SLC35F3: variants seen among roughly 807,000 people sequenced by gnomAD.
SLC35F3 encodes solute carrier family 35 member F3.
SLC35F3 carries 25 observed loss-of-function variants against 49.9 expected under a neutral mutation model. That is an observed-to-expected ratio of 0.50 (90% CI 0.37 to 0.70). The LOEUF is 0.70. Ranked by LOEUF, SLC35F3 falls within the 30% of genes least tolerant of loss-of-function variation. The pLI is 0.00. For missense variants in SLC35F3, 525 were observed against 639.8 expected (o/e 0.82, Z 1.94); for synonymous variants, 275 against 265.4 (o/e 1.04, Z -0.35).
intron 2 of SLC35F3, among the ~76,000 whole-genome samples, chr1:234,193,747 A>G (rs1393023144): frequency 6.6e-6 from 1 of 152,210 alleles, no homozygotes; most frequent in Non-Finnish European, 1.5e-5. Context: ...CAAATTAGCA[A>G]GAAAGAAACA....
At chr1:233,983,982 A>G (rs996900582) in intron 2 of SLC35F3, among the ~76,000 whole-genome samples, 2 of 152,142 alleles carry the variant, frequency 1.3e-5, no homozygotes, top group Non-Finnish European at 2.9e-5. Flanking sequence ...ATCATACCCA[A>G]CGCATTTGAT....
intron 2 of SLC35F3, among the ~76,000 whole-genome samples, chr1:233,923,706 G>C (rs1662106188): frequency 6.6e-6 from 1 of 152,160 alleles, no homozygotes; most frequent in Non-Finnish European, 1.5e-5. Flanking sequence ...TGGTGAGAGA[G>C]GGCATCCCTG....
At chr1:233,972,850 T>C (rs893454735) in intron 2 of SLC35F3, among the ~76,000 whole-genome samples, 1 of 152,254 alleles carries the variant, frequency 6.6e-6, no homozygotes, top group African/African-American at 2.4e-5. Context: ...AAATGTAAGA[T>C]TCAGGCATTG....
At chr1:234,018,893 G>A (rs565109542) in intron 2 of SLC35F3, among the ~76,000 whole-genome samples, 3 of 152,314 alleles carry the variant, frequency 2.0e-5, no homozygotes, top group African/African-American at 7.2e-5. Flanking sequence ...TTGGTTGGGT[G>A]TGCGCACTGA....
At chr1:233,920,781 G>A (rs1486021419) in intron 2 of SLC35F3, among the ~76,000 whole-genome samples, 2 of 152,226 alleles carry the variant, frequency 1.3e-5, no homozygotes, top group African/African-American at 2.4e-5. Context: ...CATGTTGGGA[G>A]GCTTATGTGG....
At chr1:233,985,282 T>G (rs1387295466) in intron 2 of SLC35F3, among the ~76,000 whole-genome samples, 17 of 152,256 alleles carry the variant, frequency 1.1e-4, no homozygotes, top group Admixed American at 1.1e-3. Flanking sequence ...CAGTAGAGTT[T>G]AAAGAGAAAA....
chr1:234,108,788 GA>G (rs1665351749), intron 2 of SLC35F3, among the ~76,000 whole-genome samples: 1 of 115,208 alleles, frequency 8.7e-6, no homozygotes, highest in Non-Finnish European at 1.7e-5. Flanking sequence ...ATATATAAAA[GA>G]TATATATATT....
intron 2 of SLC35F3, among the ~76,000 whole-genome samples, chr1:234,227,600 A>G (rs985046467): frequency 2.0e-5 from 3 of 151,884 alleles, no homozygotes; most frequent in Admixed American, 6.6e-5. Context: ...GGGTTTCACC[A>G]TGTTAGCCAG....
At chr1:234,137,548 C>T (rs1450538070) in intron 2 of SLC35F3, among the ~76,000 whole-genome samples, 1 of 152,106 alleles carries the variant, frequency 6.6e-6, no homozygotes, top group Non-Finnish European at 1.5e-5. Context: ...AACGCCTCCT[C>T]AAGAACCTTG....
chr1:233,912,884 T>C (rs1661906006), intron 2 of SLC35F3, among the ~76,000 whole-genome samples: 3 of 152,222 alleles, frequency 2.0e-5, no homozygotes, highest in African/African-American at 7.2e-5. Flanking sequence ...AGCAAAACCA[T>C]GGAAAAGGGA....
At chr1:234,072,842 G>A (rs955294910) in intron 2 of SLC35F3, among the ~76,000 whole-genome samples, 1 of 152,228 alleles carries the variant, frequency 6.6e-6, no homozygotes, top group Non-Finnish European at 1.5e-5. Flanking sequence ...TAAGGACCTT[G>A]GCTTGGCATG....
intron 2 of SLC35F3, among the ~76,000 whole-genome samples, chr1:233,940,499 G>A (rs1662403017): frequency 6.6e-6 from 1 of 152,144 alleles, no homozygotes; most frequent in African/African-American, 2.4e-5. Context: ...TCTGCGCAAA[G>A]TATGTGCACT....
chr1:233,905,036 G>A lies in SLC35F3; in HGVS notation c.-42G>A. On this transcript the variant is annotated 5_prime_UTR_variant, in exon 1 of 8. Coordinates refer to ENST00000366618, the MANE Select transcript of SLC35F3 (RefSeq NM_173508.4). ...GGGAGCTCCGGCCCGCGGCCCCTCC[G>A]CCTCAAGTCTGGGAGCTGCCGGTCC... 1.3e-6 allele frequency: 2 copies of A among 1,544,988 alleles called. No individual in the cohort carries two copies. Among genetic ancestry groups the A allele is most frequent in the Non-Finnish European group, 1.7e-6 (2 of 1,143,636 alleles).
At chr1:233,960,922 C>T (rs527462158) in intron 2 of SLC35F3, among the ~76,000 whole-genome samples, 2 of 152,062 alleles carry the variant, frequency 1.3e-5, no homozygotes, top group African/African-American at 4.8e-5. Flanking sequence ...CTGTGTCTCT[C>T]GGTGGCTCCA....
intron 2 of SLC35F3, among the ~76,000 whole-genome samples, chr1:234,158,897 A>G (rs1254052221): frequency 2.0e-5 from 3 of 152,218 alleles, no homozygotes; most frequent in Admixed American, 1.3e-4. Flanking sequence ...CTTTATAGAT[A>G]AGAAAACTAA....
intron 2 of SLC35F3, among the ~76,000 whole-genome samples, chr1:233,913,254 TG>T (rs1180730505): frequency 6.6e-6 from 1 of 152,186 alleles, no homozygotes. Context: ...TAGAACATCA[TG>T]GGGCAGGAGT....
At chr1:234,072,013 T>C (rs950157678) in intron 2 of SLC35F3, among the ~76,000 whole-genome samples, 1 of 152,238 alleles carries the variant, frequency 6.6e-6, no homozygotes, top group East Asian at 1.9e-4. Flanking sequence ...AGAGAACTTA[T>C]GACAATGTAG....
intron 2 of SLC35F3, among the ~76,000 whole-genome samples, chr1:233,934,263 A>C (rs1662291024): frequency 6.6e-6 from 1 of 152,178 alleles, no homozygotes; most frequent in Admixed American, 6.5e-5. Context: ...TGAGTGCCCC[A>C]GGGGTTAATA....
chr1:234,071,506 T>C (rs1311660005), intron 2 of SLC35F3, among the ~76,000 whole-genome samples: 1 of 152,134 alleles, frequency 6.6e-6, no homozygotes, highest in East Asian at 1.9e-4. Context: ...TTCATGTGTT[T>C]CCAAATCTTT....
Sources: gnomAD v4.1 joint callset for allele counts (sites outside exome capture counted in the v4.1 genomes callset) on GRCh38, gnomAD v4.1.1 for gene constraint, MANE v1.5 for transcripts, NCBI Gene and HGNC (gene_info 2026-07-23, HGNC 2026-07-21) for gene names.